DMXL2: variants seen among roughly 807,000 people sequenced by gnomAD.
DMXL2 encodes the protein dmX-like protein 2.
A neutral mutation model predicts 331.1 loss-of-function variants in DMXL2; 103 were observed. The observed-to-expected ratio is 0.31, with a 90% CI of 0.27 to 0.37. The LOEUF (loss-of-function observed/expected upper bound fraction) is 0.37. Among genes scored for constraint, DMXL2 ranks in the 10% least tolerant of loss-of-function variants. DMXL2 has a pLI of 1.00. For synonymous variants in DMXL2, 1,281 were observed against 1,252.1 expected (o/e 1.02, Z -0.49); for missense variants, 3,171 against 3,642.9 (o/e 0.87, Z 3.33).
Position 51,622,509 on chromosome 15 carries a change from G to C in DMXL2, c.37C>G (p.Pro13Ala), listed in dbSNP as rs763157975. The change falls in exon 1 of 44, where the codon CCT (proline) becomes GCT (alanine). Residue 13 changes from proline to alanine, a missense_variant. By Grantham distance (27) the Pro-to-Ala change is conservative (BLOSUM62 -1). Around this residue, in one of 7 missense-constraint regions of DMXL2, gnomAD observed 1,674 missense variants for 1,780.2 expected, o/e 0.94. Transcript: ENST00000560891. ...CCCACGGAGTAGCAGTTGTCTCCAG[G>C]GTTGACAGCTCCGGTGAGGACCTGA... Reference protein sequence around the residue: ...LHQVLTGAVNPGDNCYSVGSV... With the variant: ...LHQVLTGAVNAGDNCYSVGSV... 1.3e-6 allele frequency: 2 copies of C among 1,569,218 alleles called. No individual in the cohort carries two copies. The highest frequency in any genetic ancestry group is 1.7e-6 in the Non-Finnish European group (2 of 1,156,694).
At chr15:51,597,372 C>G (rs1166396839) in intron 1 of DMXL2, among the ~76,000 whole-genome samples, 2 of 152,034 alleles carry the variant, frequency 1.3e-5, no homozygotes, top group African/African-American at 4.8e-5. Context: ...GTATGCATGC[C>G]TAAACAATAT....
rs185394436 is a variant in DMXL2 at position 51,538,450 on chromosome 15, T to A, written c.1108A>T (p.Ile370Phe). ...GCAGTGCCAACCAAGACATTTGGAA[T>A]ATCTGTGGAAATAAAAGAGATTTCA... The part of the protein sequence containing the change: ...IAASINPATD[I>F]PNVLVGTAFN... The change falls in exon 10 of 44, where the codon ATT becomes TTT. Residue 370 changes from isoleucine (I) to phenylalanine (F), a missense_variant and splice_region_variant. Coordinates refer to ENST00000560891, the MANE Select transcript of DMXL2 (RefSeq NM_001378457.1). 3 of 1,582,910 alleles carry A rather than the reference T, an allele frequency of 1.9e-6. No individual in the cohort carries two copies. The East Asian group carries it at 6.7e-5, about 36-fold the overall frequency.
Position 51,491,313 on chromosome 15 carries a change from C to T in DMXL2, c.4953+265G>A, listed in dbSNP as rs191870741. On this transcript the variant is annotated intron_variant, in intron 20 of 43. Coordinates refer to ENST00000560891, the MANE Select transcript of DMXL2 (RefSeq NM_001378457.1). ...AAAATTAGCTGGATGTGGTGGCGCA[C>T]GCCTGTAGTCCCAGTTACTCAGAAG... Among the ~76,000 whole-genome samples the T allele has an allele frequency of 4.0e-3, 611 of 152,142 alleles. 5 individuals carry two copies. The highest frequency in any genetic ancestry group is 6.9e-3 in the Non-Finnish European group (469 of 68,000).
intron 2 of DMXL2, among the ~76,000 whole-genome samples, chr15:51,569,422 T>C (rs955215973): frequency 6.6e-6 from 1 of 152,154 alleles, no homozygotes; most frequent in African/African-American, 2.4e-5. Context: ...TAAACGTCCC[T>C]GCCTGACAGC....
chr15:51,480,143 T>G lies in DMXL2; in HGVS notation c.6565-4A>C. The stretch of plus-strand genomic sequence containing the variant: ...GGAGCTGCTTTACTGTAGTTTCCTG[T>G]GGGTGATAGTGAATTATTTTTTTCA... On this transcript the variant is annotated splice_polypyrimidine_tract_variant and splice_region_variant and intron_variant, in intron 24 of 43. Coordinates refer to ENST00000560891, the MANE Select transcript of DMXL2 (RefSeq NM_001378457.1). 6.6e-7 allele frequency: 1 copy of G among 1,505,438 alleles called. No homozygotes were observed. The highest frequency in any genetic ancestry group is 8.9e-7 in the Non-Finnish European group (1 of 1,119,696). The allele number at this position is 1,505,438 out of a possible 1,614,324, so 93.3% of individuals were successfully genotyped here.
intron 25 of DMXL2, 25 bp downstream of exon 25, chr15:51,479,913 TGTATAATATC>T (rs761856272): frequency 7.1e-7 from 1 of 1,402,164 alleles, no homozygotes; most frequent in East Asian, 2.4e-5. Flanking sequence ...CTTCTCAGGG[TGTATAATATC>T]AAATGATCAT....
rs904408361 is a variant in DMXL2, at chr15:51,478,366, C to T, written c.6757-19G>A. Reference sequence around the variant, plus strand: ...TGTGCACCTAAAACCAAAACAGTCACAATTACATTTTGTACTAACATTTCT... The same window carrying T: ...TGTGCACCTAAAACCAAAACAGTCATAATTACATTTTGTACTAACATTTCT... On this transcript the variant is annotated intron_variant, in intron 25 of 43. Coordinates refer to ENST00000560891, the MANE Select transcript of DMXL2 (RefSeq NM_001378457.1). 6.2e-6 allele frequency: 10 copies of T among 1,605,174 alleles called. No homozygotes were observed. Among genetic ancestry groups the T allele is most frequent in the Non-Finnish European group, 8.5e-6 (10 of 1,173,622 alleles).
intron 23 of DMXL2, 144 bp downstream of exon 23, chr15:51,485,929 T>C: frequency 1.2e-6 from 1 of 824,270 alleles, no homozygotes; most frequent in Non-Finnish European, 1.8e-6. Context: ...TCTAATCCTT[T>C]AGACACACAA....
At chr15:51,529,701 C>A (rs1177953151) in intron 13 of DMXL2, among the ~76,000 whole-genome samples, 2 of 152,002 alleles carry the variant, frequency 1.3e-5, no homozygotes, top group African/African-American at 4.8e-5. Flanking sequence ...AATACCAATC[C>A]CACTAAAATT....
rs568496746 is a variant in DMXL2 at position 51,591,858 on chromosome 15, G to A, written c.88-15677C>T. Among the ~76,000 whole-genome samples, 133 of 152,288 alleles carry A rather than the reference G, an allele frequency of 8.7e-4. 4 individuals are homozygous for A. In the South Asian group the frequency reaches 0.027, roughly 31 times the overall value. On this transcript the variant is annotated intron_variant, in intron 1 of 43. Transcript: ENST00000560891. ...CAACAGACCTGCAGCTGAGGGTCCT[G>A]ACTCTTAGAAGGAAAACTAGCAAAC... is the stretch of plus-strand genomic sequence containing the variant.
chr15:51,622,408 C>T lies in DMXL2; in HGVS notation c.87+51G>A, dbSNP rs370313634. 1.3e-3 allele frequency: 1,996 copies of T among 1,549,478 alleles called. 3 individuals are homozygous for T. The highest frequency in any genetic ancestry group is 1.5e-3 in the Non-Finnish European group (1,738 of 1,146,298). ...GCGCCCTGGACAGGAGGTCCCTGCC[C>T]CCGCGTCTGGCCCCTGGTATCTTCC... On this transcript the variant is annotated intron_variant, in intron 1 of 43. Transcript: ENST00000560891.
intron 20 of DMXL2, among the ~76,000 whole-genome samples, chr15:51,490,940 T>C (rs1465466781): frequency 6.6e-6 from 1 of 152,246 alleles, no homozygotes; most frequent in Non-Finnish European, 1.5e-5. Flanking sequence ...TTTTTTAATG[T>C]ATTGTAAATA....
chr15:51,581,065 G>A (rs2051378564), intron 1 of DMXL2, among the ~76,000 whole-genome samples: 1 of 152,110 alleles, frequency 6.6e-6, no homozygotes, highest in Non-Finnish European at 1.5e-5. Context: ...TTTCTTTAGA[G>A]CAGGGGTCCC....
intron 6 of DMXL2, among the ~76,000 whole-genome samples, chr15:51,559,406 G>A (rs551252404): frequency 6.6e-6 from 1 of 152,272 alleles, no homozygotes; most frequent in South Asian, 2.1e-4. Context: ...TTAATAATCA[G>A]GGAAATGCAC....
chr15:51,543,854 T>C (rs2048742960), intron 8 of DMXL2, among the ~76,000 whole-genome samples: 1 of 152,166 alleles, frequency 6.6e-6, no homozygotes, highest in African/African-American at 2.4e-5. Flanking sequence ...TAATTCAATT[T>C]AACAAACACT....
chr15:51,476,450 C>G, intron 27 of DMXL2, 139 bp downstream of exon 27: 1 of 971,816 alleles, frequency 1.0e-6, no homozygotes, highest in South Asian at 1.5e-5. Context: ...TAATCCATAG[C>G]AGAAAAACAT....
At chr15:51,463,270 A>G (rs1472332227) in intron 33 of DMXL2, 109 bp downstream of exon 33, 24 of 668,894 alleles carry the variant, frequency 3.6e-5, no homozygotes, top group Non-Finnish European at 2.0e-5. Context: ...AACTTTGACT[A>G]TTACCCAACC....
intron 24 of DMXL2, 94 bp from the exon 25 acceptor site, chr15:51,480,233 G>A: frequency 8.1e-7 from 1 of 1,237,806 alleles, no homozygotes. Context: ...TGTGTAAAGG[G>A]AATATGTTCG....
At chr15:51,482,344 T>C (rs1469209116) in intron 23 of DMXL2, among the ~76,000 whole-genome samples, 3 of 152,198 alleles carry the variant, frequency 2.0e-5, no homozygotes, top group Admixed American at 6.5e-5. Flanking sequence ...CTGAAACTTA[T>C]ATGCACATAG....
Sources: allele counts gnomAD v4.1 joint callset (sites outside exome capture counted in the v4.1 genomes callset), GRCh38; gene constraint gnomAD v4.1.1; regional missense constraint gnomAD v4.1.1; transcripts MANE v1.5; gene names NCBI Gene and HGNC (gene_info 2026-07-23, HGNC 2026-07-21).